The following SOHLH2 variants were observed in gnomAD, a reference collection of about 807,000 sequenced individuals.
SOHLH2 encodes the protein spermatogenesis- and oogenesis-specific basic helix-loop-helix-containing protein 2.
In SOHLH2, 22 loss-of-function variants were observed where a neutral mutation model predicts 50.4. The observed-to-expected ratio is 0.44, with a 90% CI of 0.31 to 0.62. SOHLH2 has a LOEUF of 0.62. Ranked by LOEUF, SOHLH2 falls within the 20% of genes least tolerant of loss-of-function variation. The probability of loss-of-function intolerance (pLI) is 0.08; values close to 1 mark genes in which losing one functional copy is unlikely to be tolerated. For missense variants in SOHLH2, 412 were observed against 504.4 expected (o/e 0.82, Z 1.76); for synonymous variants, 185 against 187.3 (o/e 0.99, Z 0.10).
At chr13:36,179,926 G>T (rs1363079780) in intron 6 of SOHLH2, among the ~76,000 whole-genome samples, 1 of 152,142 alleles carries the variant, frequency 6.6e-6, no homozygotes, top group Non-Finnish European at 1.5e-5. Flanking sequence ...CATGAAAGGG[G>T]TTAGGAAGTA....
chr13:36,190,602 C>A (rs1269503408), intron 5 of SOHLH2, among the ~76,000 whole-genome samples: 1 of 152,112 alleles, frequency 6.6e-6, no homozygotes, highest in Non-Finnish European at 1.5e-5. Flanking sequence ...AATCCTATTT[C>A]CTCTATCCTA....
At chr13:36,169,643 A>G (rs1004844189) in intron 10 of SOHLH2, among the ~76,000 whole-genome samples, 5 of 152,256 alleles carry the variant, frequency 3.3e-5, no homozygotes, top group African/African-American at 1.2e-4. Context: ...TAAAGTTAAC[A>G]GAAGTCCATT....
In SOHLH2 at chr13:36,174,704, G is replaced by A; in HGVS notation, c.789+18C>T. 1 of 1,593,368 alleles carries A rather than the reference G, an allele frequency of 6.3e-7. No individual in the cohort carries two copies. Among genetic ancestry groups the A allele is most frequent in the Non-Finnish European group, 8.5e-7 (1 of 1,173,190 alleles). ...CATGTCTATAAGGATAAAATTCAAA[G>A]CTTTGGGAGTCAAATACCTGGGCCA... On this transcript the variant is annotated intron_variant, in intron 7 of 10. Coordinates refer to ENST00000379881, the MANE Select transcript of SOHLH2 (RefSeq NM_017826.3).
rs1456849169 is a variant in SOHLH2 at position 36,177,100 on chromosome 13, C to T, written c.642-2231G>A. Among the ~76,000 whole-genome samples the T allele has an allele frequency of 2.0e-5, 3 of 152,186 alleles. No homozygotes were observed. In the South Asian group the frequency reaches 6.2e-4, roughly 32 times the overall value. ...ATCCCCTAACCCCATAAAGCAACTA[C>T]AATTCTAGTATTTTTTTTCCATACC... On this transcript the variant is annotated intron_variant, in intron 6 of 10. Coordinates refer to ENST00000379881, the MANE Select transcript of SOHLH2 (RefSeq NM_017826.3).
chr13:36,202,944 G>A (rs1183584904), intron 1 of SOHLH2, among the ~76,000 whole-genome samples: 2 of 152,230 alleles, frequency 1.3e-5, no homozygotes, highest in Non-Finnish European at 2.9e-5. Context: ...AAGTGGCCCC[G>A]TGGGGCTTCC....
intron 1 of SOHLH2, among the ~76,000 whole-genome samples, chr13:36,208,653 A>G (rs75481806): frequency 0.046 from 6,949 of 152,088 alleles, 279 homozygotes; most frequent in African/African-American, 0.1. Context: ...TTTACACTTA[A>G]TTTTTTGTTT....
chr13:36,201,798 T>A, intron 2 of SOHLH2, 81 bp downstream of exon 2: 1 of 1,545,088 alleles, frequency 6.5e-7, no homozygotes, highest in Non-Finnish European at 8.7e-7. Context: ...TAGAAATATA[T>A]CATCTTTTTA....
intron 9 of SOHLH2, among the ~76,000 whole-genome samples, chr13:36,172,363 AT>A (rs1006945466): frequency 1.3e-5 from 2 of 151,928 alleles, no homozygotes; most frequent in African/African-American, 2.4e-5. Context: ...ACTTATGGCA[AT>A]TTTTTTTTCT....
At chr13:36,183,342 G>A (rs917396722) in intron 6 of SOHLH2, 3 of 166,242 alleles carry the variant, frequency 1.8e-5, no homozygotes, top group Non-Finnish European at 2.7e-5. Context: ...AATGAAAGAA[G>A]GTAAATAGAA....
chr13:36,180,607 T>C (rs78983947), intron 6 of SOHLH2, among the ~76,000 whole-genome samples: 8 of 94,410 alleles, frequency 8.5e-5, no homozygotes, highest in Admixed American at 7.0e-4. Flanking sequence ...TTTCTTGTGA[T>C]TTTTTTTTTT....
intron 1 of SOHLH2, among the ~76,000 whole-genome samples, chr13:36,212,638 TTC>T (rs1463374461): frequency 1.3e-5 from 2 of 152,244 alleles, no homozygotes; most frequent in African/African-American, 2.4e-5. Flanking sequence ...AAATATCTTT[TTC>T]TGTTTGAATT....
intron 2 of SOHLH2, 117 bp downstream of exon 2, chr13:36,201,762 C>G (rs1868432915): frequency 2.1e-6 from 3 of 1,422,998 alleles, no homozygotes; most frequent in Non-Finnish European, 2.8e-6. Flanking sequence ...GAGCCAATCC[C>G]TGGCCCCTCA....
chr13:36,175,787 G>A (rs1046285205), intron 6 of SOHLH2, among the ~76,000 whole-genome samples: 1 of 152,090 alleles, frequency 6.6e-6, no homozygotes, highest in Non-Finnish European at 1.5e-5. Flanking sequence ...TTCTCACTGA[G>A]CTCTGAGGAA....
chr13:36,192,045 AT>A, intron 4 of SOHLH2, 151 bp from the exon 5 acceptor site: 1 of 908,700 alleles, frequency 1.1e-6, no homozygotes, highest in Non-Finnish European at 1.6e-6. Context: ...CAATTTATAG[AT>A]TTCTGTGAAA....
At chr13:36,172,728 G>C (rs1185380611) in intron 9 of SOHLH2, among the ~76,000 whole-genome samples, 2 of 152,188 alleles carry the variant, frequency 1.3e-5, no homozygotes, top group Non-Finnish European at 2.9e-5. Context: ...ACTAGGGATG[G>C]ACTTGGTACT....
chr13:36,183,613 GTATAT>G (rs1359487626), intron 6 of SOHLH2, among the ~76,000 whole-genome samples: 1 of 152,052 alleles, frequency 6.6e-6, no homozygotes, highest in East Asian at 1.9e-4. Context: ...TTAACAGTAA[GTATAT>G]TATATGAAAA....
At chr13:36,197,511 G>A (rs573674064) in intron 2 of SOHLH2, among the ~76,000 whole-genome samples, 1 of 152,258 alleles carries the variant, frequency 6.6e-6, no homozygotes, top group African/African-American at 2.4e-5. Flanking sequence ...GGGCCAAAGG[G>A]TGTTATAAGT....
intron 1 of SOHLH2, among the ~76,000 whole-genome samples, chr13:36,203,693 T>C (rs1868571566): frequency 6.6e-6 from 1 of 152,206 alleles, no homozygotes; most frequent in Non-Finnish European, 1.5e-5. Flanking sequence ...TTCTTAACCT[T>C]TAAAAAAATT....
At chr13:36,170,927 G>A in intron 9 of SOHLH2, 140 bp from the exon 10 acceptor site, 1 of 1,353,206 alleles carries the variant, frequency 7.4e-7, no homozygotes, top group Non-Finnish European at 9.8e-7. Context: ...GAATGCTGAT[G>A]GAAAAACAAA....
Sources: allele counts gnomAD v4.1 joint callset (sites outside exome capture counted in the v4.1 genomes callset), GRCh38; gene constraint gnomAD v4.1.1; transcripts MANE v1.5; gene names NCBI Gene and HGNC (gene_info 2026-07-23, HGNC 2026-07-21).